The following VPS13C variants were observed in gnomAD, a reference collection of about 807,000 sequenced individuals.
VPS13C encodes the protein intermembrane lipid transfer protein VPS13C.
VPS13C carries 358 observed loss-of-function variants against 456.8 expected under a neutral mutation model. The observed-to-expected ratio is 0.78, with a 90% confidence interval of 0.72 to 0.86. VPS13C has a LOEUF of 0.86. Among genes scored for constraint, VPS13C ranks in the 40% least tolerant of loss-of-function variants. The probability of loss-of-function intolerance (pLI) is 0.00; values close to 1 mark genes in which losing one functional copy is unlikely to be tolerated. For missense variants in VPS13C, 4,818 were observed against 4,385.4 expected (o/e 1.10, Z -2.79); for synonymous variants, 1,578 against 1,486.7 (o/e 1.06, Z -1.41).
intron 79 of VPS13C, among the ~76,000 whole-genome samples, chr15:61,869,966 G>C (rs1250466772): frequency 6.6e-6 from 1 of 152,180 alleles, no homozygotes; most frequent in Non-Finnish European, 1.5e-5. Flanking sequence ...ACTTGCAGGT[G>C]TAAGAAGGGA....
chr15:61,910,879 T>C (rs1331894765), intron 63 of VPS13C, among the ~76,000 whole-genome samples: 3 of 152,118 alleles, frequency 2.0e-5, no homozygotes, highest in African/African-American at 7.2e-5. Flanking sequence ...TATAGAATAC[T>C]AAGTAAATTC....
At chr15:62,019,946 G>A (rs35324423) in intron 9 of VPS13C, among the ~76,000 whole-genome samples, 8,781 of 149,764 alleles carry the variant, frequency 0.059, 320 homozygotes, top group Non-Finnish European at 0.079. Flanking sequence ...AAAATGTCCA[G>A]CCTATATATA....
intron 9 of VPS13C, among the ~76,000 whole-genome samples, chr15:62,018,262 A>T (rs1420345724): frequency 7.9e-5 from 12 of 152,126 alleles, no homozygotes; most frequent in Admixed American, 5.2e-4. Flanking sequence ...TCTTTTCCTA[A>T]TTGAATACCC....
chr15:62,013,077 A>T lies in VPS13C; in HGVS notation c.787T>A (p.Cys263Ser). 1 of 1,611,208 alleles carries T rather than the reference A, an allele frequency of 6.2e-7. No homozygotes were observed. Residue 263 changes from cysteine (C) to serine (S), a missense_variant, in exon 11 of 85, where the codon TGC (cysteine) becomes AGC (serine). Around this residue, in one of 3 missense-constraint regions of VPS13C, gnomAD observed 4,552 missense variants for 4,130.6 expected, o/e 1.10. Transcript: ENST00000644861. The part of the protein sequence containing the change: ...DSLSAYWNVN[C>S]SMSYQRSREQ... Reference sequence around the variant, plus strand: ...CTTGATCTCTGGTAAGACATGCTGCAATTTACATTCCAGTAGGCGCTAAGA... The same window carrying T: ...CTTGATCTCTGGTAAGACATGCTGCTATTTACATTCCAGTAGGCGCTAAGA...
intron 1 of VPS13C, among the ~76,000 whole-genome samples, chr15:62,052,395 G>A (rs534209143): frequency 6.6e-6 from 1 of 151,988 alleles, no homozygotes; most frequent in Non-Finnish European, 1.5e-5. Context: ...AGAATACCAG[G>A]CCTGGTGCGG....
chr15:61,999,991 T>C (rs1274492681), intron 16 of VPS13C, among the ~76,000 whole-genome samples: 1 of 151,912 alleles, frequency 6.6e-6, no homozygotes, highest in Admixed American at 6.6e-5. Context: ...ATTATCACAG[T>C]AGTATTCTAA....
At chr15:61,907,679 C>A (rs1305979569) in intron 65 of VPS13C, among the ~76,000 whole-genome samples, 1 of 152,170 alleles carries the variant, frequency 6.6e-6, no homozygotes, top group Non-Finnish European at 1.5e-5. Flanking sequence ...GATCAGGGTC[C>A]ACCTGTGGAA....
rs78840982 is a variant in VPS13C at position 62,039,284 on chromosome 15, C to T, written c.187+2040G>A. Among the ~76,000 whole-genome samples the T allele has an allele frequency of 4.9e-3, 741 of 152,098 alleles. 9 individuals carry two copies. Among genetic ancestry groups the T allele is most frequent in the African/African-American group, 0.017 (715 of 41,494 alleles). On this transcript the variant is annotated intron_variant, in intron 3 of 84. Coordinates refer to ENST00000644861, the MANE Select transcript of VPS13C (RefSeq NM_020821.3). ...AAGAATGAAATCATGTCCCCTACAG[C>T]AAGATGGATGAAGCTAGAGGCCATT...
At chr15:62,009,012 C>T (rs1395192076) in intron 13 of VPS13C, among the ~76,000 whole-genome samples, 2 of 152,202 alleles carry the variant, frequency 1.3e-5, no homozygotes, top group East Asian at 3.9e-4. Flanking sequence ...AAGAAAACTG[C>T]TGTTAATTAA....
chr15:62,008,480 G>T (rs374386995), intron 14 of VPS13C, among the ~76,000 whole-genome samples, 175 bp downstream of exon 14: 1 of 152,000 alleles, frequency 6.6e-6, no homozygotes, highest in South Asian at 2.1e-4. Flanking sequence ...ACATACAAAA[G>T]AAGTGAAAGC....
chr15:61,984,726 G>T lies in VPS13C; in HGVS notation c.1721+131C>A, dbSNP rs2045986595. ...ACAAAACAAGAGCAAATATAAAAAG[G>T]CTATCTTGACATATACAAGGAAAAG... On this transcript the variant is annotated intron_variant, in intron 19 of 84. Coordinates refer to ENST00000644861, the MANE Select transcript of VPS13C (RefSeq NM_020821.3). 3 of 882,058 alleles carry T rather than the reference G, an allele frequency of 3.4e-6. No homozygotes were observed. In the East Asian group the frequency reaches 8.3e-5, roughly 24 times the overall value. 54.6% of individuals were successfully genotyped at this position (882,058 alleles called of 1,614,324 possible).
chr15:62,012,345 G>C (rs1265474278), intron 11 of VPS13C, among the ~76,000 whole-genome samples, 181 bp from the exon 12 acceptor site: 1 of 151,544 alleles, frequency 6.6e-6, no homozygotes, highest in Non-Finnish European at 1.5e-5. Context: ...TAAGTATAAA[G>C]ATACAGAAGC....
chr15:61,915,820 A>C lies in VPS13C; in HGVS notation c.8258T>G (p.Leu2753Arg). ...SDSTEVTTVDLSVHVRRIGSR... is the reference protein window; with the variant it reads ...SDSTEVTTVDRSVHVRRIGSR... ...GCCAATTCTCCTGACGTGGACTGAC[A>C]GGTCGACTGTCGTCACTTCTGTGGA... is the stretch of plus-strand genomic sequence containing the variant. Residue 2753 changes from leucine (L) to arginine (R), a missense_variant, in exon 61 of 85, where the codon CTG (leucine) becomes CGG (arginine). By Grantham distance (102) the Leu-to-Arg change is moderately radical. Coordinates refer to ENST00000644861, the MANE Select transcript of VPS13C (RefSeq NM_020821.3). 2 of 1,614,148 alleles carry C rather than the reference A, an allele frequency of 1.2e-6. No homozygotes were observed. Among genetic ancestry groups the C allele is most frequent in the Non-Finnish European group, 1.7e-6 (2 of 1,180,028 alleles).
intron 43 of VPS13C, 31 bp downstream of exon 43, chr15:61,947,162 G>T (rs749954160): frequency 2.2e-6 from 3 of 1,393,980 alleles, no homozygotes; most frequent in Non-Finnish European, 2.9e-6. Flanking sequence ...TAAAGAAACA[G>T]AAATACCTAC....
intron 5 of VPS13C, among the ~76,000 whole-genome samples, chr15:62,030,133 T>C (rs1270859150): frequency 1.3e-5 from 2 of 152,050 alleles, no homozygotes; most frequent in Non-Finnish European, 2.9e-5. Flanking sequence ...GAAAATACTA[T>C]CATTTCTCAT....
intron 5 of VPS13C, among the ~76,000 whole-genome samples, chr15:62,030,807 T>C (rs2047789277): frequency 6.6e-6 from 1 of 152,154 alleles, no homozygotes. Context: ...AATGACAGAA[T>C]GTTAACATCG....
intron 5 of VPS13C, among the ~76,000 whole-genome samples, chr15:62,032,105 C>A (rs907494760): frequency 2.0e-5 from 3 of 151,812 alleles, no homozygotes; most frequent in Admixed American, 6.6e-5. Flanking sequence ...TCTAAGTATA[C>A]ATCAATATAC....
intron 67 of VPS13C, among the ~76,000 whole-genome samples, chr15:61,888,833 A>C (rs531639809): frequency 5.8e-4 from 88 of 152,296 alleles, no homozygotes; most frequent in African/African-American, 2.1e-3. Flanking sequence ...ACAAAGAATA[A>C]TACTTAATGT....
At position 61,909,040 on chromosome 15, in the gene VPS13C, G is replaced by A. The variant is rs780301735; in HGVS notation, c.8930C>T (p.Ala2977Val). ...FSDYHEGSAP[A>V]LIMNHTPWDI... is the part of the protein sequence containing the mutation. ...CCATGGTGTATGGTTCATTATCAAG[G>A]CAGGTGCAGATCCCTCATGGTAATC... Residue 2977 changes from alanine (A) to valine (V), a missense_variant, in exon 65 of 85, where the codon GCC becomes GTC. Ala to Val is a moderately conservative substitution (Grantham distance 64). Coordinates refer to ENST00000644861, the MANE Select transcript of VPS13C (RefSeq NM_020821.3). 7 of 1,613,632 alleles carry A rather than the reference G, an allele frequency of 4.3e-6. No homozygotes were observed. In the African/African-American group the frequency reaches 9.4e-5, roughly 22 times the overall value.
Sources: gnomAD v4.1 joint callset for allele counts (sites outside exome capture counted in the v4.1 genomes callset) on GRCh38, gnomAD v4.1.1 for gene constraint, gnomAD v4.1.1 regional missense constraint, MANE v1.5 for transcripts, NCBI Gene and HGNC (gene_info 2026-07-23, HGNC 2026-07-21) for gene names.